The following SLC16A12 variants were observed in gnomAD, a reference collection of about 807,000 sequenced individuals.
SLC16A12 encodes monocarboxylate transporter 12.
A neutral mutation model predicts 42.4 loss-of-function variants in SLC16A12; 17 were observed. That is an observed-to-expected ratio of 0.40 (90% CI 0.27 to 0.60). The LOEUF is 0.60. Among genes scored for constraint, SLC16A12 ranks in the 20% least tolerant of loss-of-function variants. The pLI, the probability that SLC16A12 is intolerant of heterozygous loss-of-function variation, is 0.42. For missense variants in SLC16A12, 544 were observed against 623.0 expected (o/e 0.87, Z 1.35); for synonymous variants, 224 against 229.4 (o/e 0.98, Z 0.21).
intron 6 of SLC16A12, among the ~76,000 whole-genome samples, chr10:89,438,301 A>C (rs1372512964): frequency 6.6e-6 from 1 of 152,262 alleles, no homozygotes; most frequent in African/African-American, 2.4e-5. Flanking sequence ...ATAAAGTCTT[A>C]TTGGAACGTA....
At chr10:89,528,512 C>T (rs1843491267) in intron 2 of SLC16A12, among the ~76,000 whole-genome samples, 1 of 151,952 alleles carries the variant, frequency 6.6e-6, no homozygotes, top group Non-Finnish European at 1.5e-5. Flanking sequence ...ACACATAAGC[C>T]TAGTGAATTC....
intron 3 of SLC16A12, among the ~76,000 whole-genome samples, chr10:89,445,068 G>C (rs141618316): frequency 4.1e-4 from 62 of 152,390 alleles, no homozygotes; most frequent in African/African-American, 1.3e-3. Flanking sequence ...CATTGCTGAG[G>C]CTTGAGTAGG....
At chr10:89,451,666 C>G (rs1413642728) in intron 3 of SLC16A12, among the ~76,000 whole-genome samples, 1 of 152,118 alleles carries the variant, frequency 6.6e-6, no homozygotes, top group East Asian at 1.9e-4. Context: ...CCCACCTCGG[C>G]CTCCCAAAGT....
At chr10:89,472,311 G>T (rs1032987335) in intron 2 of SLC16A12, among the ~76,000 whole-genome samples, 1 of 139,112 alleles carries the variant, frequency 7.2e-6, no homozygotes, top group Non-Finnish European at 1.6e-5. Context: ...TAATAAAACA[G>T]CAATAAGAAA....
At chr10:89,533,551 A>T (rs1361987902) in intron 2 of SLC16A12, among the ~76,000 whole-genome samples, 1 of 151,998 alleles carries the variant, frequency 6.6e-6, no homozygotes, top group East Asian at 1.9e-4. Context: ...CTCATATAAA[A>T]CACTTCAACA....
At chr10:89,514,724 T>TA (rs1843219334) in intron 2 of SLC16A12, among the ~76,000 whole-genome samples, 1 of 152,184 alleles carries the variant, frequency 6.6e-6, no homozygotes, top group African/African-American at 2.4e-5. Flanking sequence ...TTACAGGGCT[T>TA]AAACATAAAT....
At chr10:89,555,496 C>T (rs867299701) in intron 2 of SLC16A12, among the ~76,000 whole-genome samples, 266 of 118,188 alleles carry the variant, frequency 2.3e-3, no homozygotes, top group Middle Eastern at 8.7e-3. Context: ...CGTATATATA[C>T]GTATATACGT....
intron 2 of SLC16A12, among the ~76,000 whole-genome samples, chr10:89,530,651 C>A (rs947201252): frequency 6.6e-6 from 1 of 152,046 alleles, no homozygotes; most frequent in Non-Finnish European, 1.5e-5. Flanking sequence ...GATCTCCCGA[C>A]CTTGTGATTT....
At chr10:89,484,282 G>GTA (rs1194846113) in intron 2 of SLC16A12, among the ~76,000 whole-genome samples, 1 of 152,088 alleles carries the variant, frequency 6.6e-6, no homozygotes, top group East Asian at 1.9e-4. Context: ...CCTAAACTAC[G>GTA]TATATATCTC....
At chr10:89,477,019 T>C (rs1343327705) in intron 2 of SLC16A12, among the ~76,000 whole-genome samples, 1 of 152,222 alleles carries the variant, frequency 6.6e-6, no homozygotes, top group Non-Finnish European at 1.5e-5. Flanking sequence ...AGGCTGAGAA[T>C]GTGGTGTACT....
In SLC16A12 at chr10:89,462,624, T is replaced by A. The variant is rs1842320903; in HGVS notation, c.-46A>T. The A allele has an allele frequency of 2.6e-6, 4 of 1,542,346 alleles. No homozygotes were observed. Among genetic ancestry groups the A allele is most frequent in the Non-Finnish European group, 3.5e-6 (4 of 1,151,398 alleles). On this transcript the variant is annotated splice_region_variant and 5_prime_UTR_variant, in exon 3 of 8. The change abolishes an upstream ATG in the 5' untranslated region. Transcript: ENST00000371790. ...TACCTGGCCCATGGGTTACTCGCCATCTAAAACCAAAAATCAGGACATATT... is the reference window on the plus strand; with the variant it reads ...TACCTGGCCCATGGGTTACTCGCCAACTAAAACCAAAAATCAGGACATATT...
intron 2 of SLC16A12, among the ~76,000 whole-genome samples, chr10:89,506,434 G>T (rs1589713690): frequency 6.6e-6 from 1 of 152,286 alleles, no homozygotes; most frequent in South Asian, 2.1e-4. Flanking sequence ...GGCAAACAAG[G>T]TCTGGAGAGG....
chr10:89,521,587 C>G (rs1330108467), intron 2 of SLC16A12, among the ~76,000 whole-genome samples: 1 of 152,172 alleles, frequency 6.6e-6, no homozygotes, highest in Admixed American at 6.5e-5. Context: ...CTCCCATGAC[C>G]CTCACCCCCA....
intron 2 of SLC16A12, among the ~76,000 whole-genome samples, chr10:89,549,934 C>T (rs1284231982): frequency 6.6e-6 from 1 of 152,134 alleles, no homozygotes; most frequent in African/African-American, 2.4e-5. Context: ...TTTCCTTTCT[C>T]CCTCTTTAAG....
At chr10:89,543,545 C>G (rs1467763826) in intron 2 of SLC16A12, among the ~76,000 whole-genome samples, 1 of 152,154 alleles carries the variant, frequency 6.6e-6, no homozygotes, top group Non-Finnish European at 1.5e-5. Context: ...AAGTGCTTAG[C>G]TGGCTGGGTG....
chr10:89,472,800 T>C (rs1806448111), intron 2 of SLC16A12, among the ~76,000 whole-genome samples: 1 of 151,846 alleles, frequency 6.6e-6, no homozygotes, highest in African/African-American at 2.4e-5. Flanking sequence ...GTCAGTATTT[T>C]TTCTTTTAAA....
At chr10:89,441,566 T>C (rs1841912479) in intron 4 of SLC16A12, among the ~76,000 whole-genome samples, 1 of 152,200 alleles carries the variant, frequency 6.6e-6, no homozygotes, top group Admixed American at 6.5e-5. Flanking sequence ...CTAAATTACA[T>C]GTCATTTGCA....
intron 3 of SLC16A12, among the ~76,000 whole-genome samples, chr10:89,450,827 T>G (rs1397880360): frequency 4.6e-5 from 7 of 152,222 alleles, no homozygotes; most frequent in African/African-American, 1.4e-4. Flanking sequence ...ATGGTGAGAT[T>G]AGAAATAATT....
At chr10:89,501,931 A>G (rs925922658) in intron 2 of SLC16A12, among the ~76,000 whole-genome samples, 1 of 152,190 alleles carries the variant, frequency 6.6e-6, no homozygotes, top group African/African-American at 2.4e-5. Context: ...TACCTAGAAC[A>G]TGCCTAACAT....
Sources: allele counts gnomAD v4.1 joint callset (sites outside exome capture counted in the v4.1 genomes callset), GRCh38; gene constraint gnomAD v4.1.1; transcripts MANE v1.5; gene names NCBI Gene and HGNC (gene_info 2026-07-23, HGNC 2026-07-21).